The following EYA2 variants were observed in gnomAD, a reference collection of about 807,000 sequenced individuals.
EYA2 encodes the protein EYA transcriptional coactivator and phosphatase 2.
Under a neutral mutation model 69.2 loss-of-function variants are expected in EYA2, and 31 were observed. The observed-to-expected ratio is 0.45, with a 90% CI of 0.34 to 0.60. EYA2 has a LOEUF of 0.60. Among genes scored for constraint, EYA2 ranks in the 20% least tolerant of loss-of-function variants. EYA2 has a pLI of 0.02. For synonymous variants in EYA2, 257 were observed against 279.4 expected (o/e 0.92, Z 0.80); for missense variants, 622 against 701.2 (o/e 0.89, Z 1.28).
chr20:47,181,331 TCCA>T (rs1202034122), intron 14 of EYA2, among the ~76,000 whole-genome samples: 1 of 152,232 alleles, frequency 6.6e-6, no homozygotes, highest in Non-Finnish European at 1.5e-5. Context: ...GTTTTATTTT[TCCA>T]CCATTTCTTA....
intron 1 of EYA2, among the ~76,000 whole-genome samples, chr20:46,914,823 G>A (rs1279749186): frequency 2.0e-5 from 3 of 152,194 alleles, no homozygotes; most frequent in Non-Finnish European, 4.4e-5. Context: ...ACTTAGCACT[G>A]TGCCAGCCCC....
At chr20:46,972,432 A>G (rs1200684959) in intron 1 of EYA2, among the ~76,000 whole-genome samples, 1 of 152,132 alleles carries the variant, frequency 6.6e-6, no homozygotes, top group Non-Finnish European at 1.5e-5. Flanking sequence ...CTCCATTGGC[A>G]CAGTGTCATG....
intron 10 of EYA2, among the ~76,000 whole-genome samples, chr20:47,159,543 T>A (rs1441023585): frequency 1.3e-5 from 2 of 152,042 alleles, no homozygotes; most frequent in African/African-American, 4.8e-5. Context: ...CTTAAAAATC[T>A]GAATAAGTAA....
At chr20:47,103,824 TA>T (rs1233722909) in intron 9 of EYA2, among the ~76,000 whole-genome samples, 1 of 152,254 alleles carries the variant, frequency 6.6e-6, no homozygotes, top group Non-Finnish European at 1.5e-5. Flanking sequence ...AGTTCATGGA[TA>T]AACTATATTT....
chr20:47,125,024 G>GTA (rs937501876), intron 9 of EYA2, among the ~76,000 whole-genome samples: 12 of 145,766 alleles, frequency 8.2e-5, no homozygotes, highest in Non-Finnish European at 1.7e-4. Context: ...ATGATGGAAT[G>GTA]TATCCTACAG....
At chr20:47,024,760 C>T (rs769045028) in intron 5 of EYA2, among the ~76,000 whole-genome samples, 5 of 152,246 alleles carry the variant, frequency 3.3e-5, no homozygotes, top group African/African-American at 1.2e-4. Context: ...GGATCACTGT[C>T]CATGCCTAAG....
intron 9 of EYA2, among the ~76,000 whole-genome samples, chr20:47,141,668 G>A (rs77229036): frequency 0.017 from 2,624 of 152,202 alleles, 114 homozygotes; most frequent in East Asian, 0.17. Context: ...AATATGTGTG[G>A]GCATTGGTGA....
chr20:47,035,414 A>G (rs1283059338), intron 5 of EYA2, among the ~76,000 whole-genome samples: 1 of 152,154 alleles, frequency 6.6e-6, no homozygotes, highest in Non-Finnish European at 1.5e-5. Flanking sequence ...TATCTCTTTC[A>G]AAGATCTCAA....
chr20:47,047,394 C>CTTTTTTTTTTT (rs1440846354), intron 5 of EYA2, among the ~76,000 whole-genome samples: 6 of 129,132 alleles, frequency 4.6e-5, no homozygotes, highest in African/African-American at 1.8e-4. Flanking sequence ...GTCTCTCTCT[C>CTTTTTTTTTTT]TCTTTTTTTT....
chr20:47,066,969 C>T (rs1372935494), intron 5 of EYA2, among the ~76,000 whole-genome samples: 1 of 152,136 alleles, frequency 6.6e-6, no homozygotes, highest in African/African-American at 2.4e-5. Flanking sequence ...ACTTCAGGGG[C>T]CACGTGCCCC....
At chr20:47,126,311 G>A (rs184719615) in intron 9 of EYA2, among the ~76,000 whole-genome samples, 166 of 152,336 alleles carry the variant, frequency 1.1e-3, no homozygotes, top group Middle Eastern at 3.4e-3. Context: ...TGACTAGCCC[G>A]CTAGTAGTGC....
At chr20:47,044,865 G>A (rs191558004) in intron 5 of EYA2, among the ~76,000 whole-genome samples, 33 of 152,286 alleles carry the variant, frequency 2.2e-4, no homozygotes, top group African/African-American at 7.9e-4. Flanking sequence ...CACTGCCAAG[G>A]AAGCATAAAT....
At chr20:47,080,441 G>A (rs531437854) in intron 7 of EYA2, among the ~76,000 whole-genome samples, 47 of 117,116 alleles carry the variant, frequency 4.0e-4, no homozygotes, top group African/African-American at 1.2e-3. Context: ...AAATGAGGGA[G>A]GGGGGAGGGA....
intron 1 of EYA2, among the ~76,000 whole-genome samples, chr20:46,927,236 C>G (rs1045010731): frequency 3.3e-5 from 5 of 152,198 alleles, no homozygotes; most frequent in African/African-American, 1.2e-4. Context: ...TTCCCTCAGT[C>G]AGGAAAATTA....
rs144720877 is a variant in EYA2, at chr20:47,040,447, G to A, written c.415+24150G>A. Among the ~76,000 whole-genome samples the A allele has an allele frequency of 5.1e-3, 778 of 152,260 alleles. 4 individuals are homozygous for A. The highest frequency in any genetic ancestry group is 8.9e-3 in the Non-Finnish European group (606 of 68,022). On this transcript the variant is annotated intron_variant, in intron 5 of 15. Transcript: ENST00000327619. ...CTGAGCCTCAGTTTTCTGGTCTGTC[G>A]AAGGGGAATTGCTGTACCTCTCCTG...
intron 9 of EYA2, among the ~76,000 whole-genome samples, chr20:47,131,093 A>G (rs2033331096): frequency 7.1e-6 from 1 of 141,530 alleles, no homozygotes; most frequent in African/African-American, 2.5e-5. Flanking sequence ...CCATCTCAAG[A>G]AAAAAAAAAT....
At chr20:47,014,672 T>TGTGTG (rs1983300741) in intron 4 of EYA2, among the ~76,000 whole-genome samples, 1 of 118,818 alleles carries the variant, frequency 8.4e-6, no homozygotes, top group Non-Finnish European at 1.9e-5. Context: ...GTGTGTGTGG[T>TGTGTG]GTGATGACTA....
intron 5 of EYA2, among the ~76,000 whole-genome samples, chr20:47,055,397 G>A (rs2030557670): frequency 6.6e-6 from 1 of 152,182 alleles, no homozygotes; most frequent in Non-Finnish European, 1.5e-5. Flanking sequence ...ACCACACTGG[G>A]TGAAGGCAGA....
chr20:47,053,708 C>G (rs1284911019), intron 5 of EYA2, among the ~76,000 whole-genome samples: 1 of 150,390 alleles, frequency 6.6e-6, no homozygotes, highest in Non-Finnish European at 1.5e-5. Context: ...TTCTATCTCC[C>G]AAGAACCAAT....
Sources: allele counts gnomAD v4.1 joint callset (sites outside exome capture counted in the v4.1 genomes callset), GRCh38; gene constraint gnomAD v4.1.1; transcripts MANE v1.5; gene names NCBI Gene and HGNC (gene_info 2026-07-23, HGNC 2026-07-21).